Variants in ZMYND8 observed in about 807,000 individuals in gnomAD.
The protein encoded by ZMYND8 is zinc finger MYND-type containing 8.
Under a neutral mutation model 140.8 loss-of-function variants are expected in ZMYND8, and 37 were observed. The observed-to-expected ratio is 0.26, with a 90% CI of 0.20 to 0.35. The LOEUF (loss-of-function observed/expected upper bound fraction) is 0.35, where lower values mean the gene tolerates loss of function less well. Ranked by LOEUF, ZMYND8 falls within the 10% of genes least tolerant of loss-of-function variation. ZMYND8 has a pLI of 1.00. For synonymous variants in ZMYND8, 592 were observed against 597.1 expected, an observed-to-expected ratio of 0.99 and a Z score of 0.12; for missense variants, 1,068 against 1,570.0, an observed-to-expected ratio of 0.68 and a Z score of 5.40.
At chr20:47,287,864 A>ACACG (rs2077024203) in intron 7 of ZMYND8, among the ~76,000 whole-genome samples, 1 of 152,138 alleles carries the variant, frequency 6.6e-6, no homozygotes, top group African/African-American at 2.4e-5. Context: ...ACACACGCAC[A>ACACG]CACATACACA....
At chr20:47,222,036 T>A (rs926266362) in intron 19 of ZMYND8, among the ~76,000 whole-genome samples, 2 of 152,232 alleles carry the variant, frequency 1.3e-5, no homozygotes. Context: ...AGTATATTCC[T>A]GGAACAAATA....
intron 2 of ZMYND8, among the ~76,000 whole-genome samples, chr20:47,336,327 T>C (rs1029094572): frequency 3.3e-5 from 5 of 152,212 alleles, no homozygotes; most frequent in African/African-American, 7.2e-5. Context: ...CTGTTCAAGA[T>C]TTTAATATCC....
At chr20:47,251,031 GAAGGAAAAAAAA>G (rs2074127692) in intron 12 of ZMYND8, among the ~76,000 whole-genome samples, 2 of 136,504 alleles carry the variant, frequency 1.5e-5, no homozygotes, top group African/African-American at 6.2e-5. Context: ...TTTTTTTTTT[GAAGGAAAAAAAA>G]GGAGGGAAGA....
At chr20:47,316,857 T>C (rs1041303944) in intron 2 of ZMYND8, among the ~76,000 whole-genome samples, 16 of 151,450 alleles carry the variant, frequency 1.1e-4, no homozygotes, top group African/African-American at 3.6e-4. Context: ...TTCTAGGCAA[T>C]GTTCAAAATG....
chr20:47,344,954 A>C (rs796170290), intron 2 of ZMYND8, among the ~76,000 whole-genome samples: 17 of 152,132 alleles, frequency 1.1e-4, no homozygotes, highest in African/African-American at 4.1e-4. Flanking sequence ...CCCTACAAAA[A>C]AAAAATTTTT....
intron 2 of ZMYND8, among the ~76,000 whole-genome samples, chr20:47,313,388 C>G (rs1465952854): frequency 1.3e-5 from 2 of 151,832 alleles, no homozygotes; most frequent in African/African-American, 4.8e-5. Context: ...TTTGGGAGGC[C>G]AAGGCGGGCG....
At chr20:47,256,615 A>G (rs186663992) in intron 12 of ZMYND8, among the ~76,000 whole-genome samples, 1 of 152,268 alleles carries the variant, frequency 6.6e-6, no homozygotes, top group African/African-American at 2.4e-5. Flanking sequence ...GCAAGACTCC[A>G]TCTCAAAAAA....
Position 47,276,520 on chromosome 20 carries a change from G to A in ZMYND8, c.1274C>T (p.Ala425Val). The A allele has an allele frequency of 6.2e-7, 1 of 1,614,098 alleles. No homozygotes were observed. The highest frequency in any genetic ancestry group is 8.5e-7 in the Non-Finnish European group (1 of 1,180,032). The change falls in exon 11 of 23, where the codon GCA (alanine) becomes GTA (valine). Residue 425 changes from alanine to valine, a missense_variant. By Grantham distance (64) the Ala-to-Val change is moderately conservative. Transcript: ENST00000471951. ...CTTGCTCATCAGGATCTTGGGGGAT[G>A]CCGTCATGTCAAAGTTGAGCTTGAC... ...EKVKLNFDMT[A>V]SPKILMSKPV...
At chr20:47,248,330 A>T (rs1319740194) in intron 13 of ZMYND8, among the ~76,000 whole-genome samples, 2 of 152,238 alleles carry the variant, frequency 1.3e-5, no homozygotes, top group African/African-American at 4.8e-5. Context: ...ACCCAAGAGG[A>T]TTATTTAAAT....
chr20:47,242,247 G>A (rs1030982968), intron 14 of ZMYND8, among the ~76,000 whole-genome samples: 88 of 152,218 alleles, frequency 5.8e-4, no homozygotes, highest in African/African-American at 2.1e-3. Flanking sequence ...TGACTATCCC[G>A]ACTTCAGAGG....
At chr20:47,235,453 C>G (rs2147137848) in intron 16 of ZMYND8, among the ~76,000 whole-genome samples, 1 of 152,202 alleles carries the variant, frequency 6.6e-6, no homozygotes, top group East Asian at 1.9e-4. Context: ...ACCTGTAATC[C>G]CAGCACTTTG....
chr20:47,328,930 G>A (rs2080699600), intron 2 of ZMYND8, among the ~76,000 whole-genome samples: 3 of 152,240 alleles, frequency 2.0e-5, no homozygotes, highest in Admixed American at 2.0e-4. Context: ...TTGAAGGCTG[G>A]AGGGAGGACC....
chr20:47,356,305 A>G, intron 1 of ZMYND8: 1 of 1,300,740 alleles, frequency 7.7e-7, no homozygotes, highest in South Asian at 1.4e-5. Context: ...AGAGAGAGAG[A>G]GAGGGGAAGA....
chr20:47,294,589 A>G, intron 5 of ZMYND8, 77 bp downstream of exon 5: 1 of 1,399,632 alleles, frequency 7.1e-7, no homozygotes, highest in Non-Finnish European at 1.0e-6. Flanking sequence ...GGTACCTAAA[A>G]AGCTAAGCTA....
chr20:47,227,292 G>A lies in ZMYND8; in HGVS notation c.2938-11C>T. On this transcript the variant is annotated splice_polypyrimidine_tract_variant and intron_variant, in intron 17 of 22. Coordinates refer to ENST00000471951, the MANE Select transcript of ZMYND8 (RefSeq NM_001281775.3). Reference sequence around the variant, plus strand: ...CCTCAGCCTGCGAATCTGGAAGAGGGAGAGTGAGCGTCTTCAAAAGCTGTC... The same window carrying A: ...CCTCAGCCTGCGAATCTGGAAGAGGAAGAGTGAGCGTCTTCAAAAGCTGTC... 1.2e-6 allele frequency: 2 copies of A among 1,613,994 alleles called. No homozygotes were observed. Among genetic ancestry groups the A allele is most frequent in the Non-Finnish European group, 1.7e-6 (2 of 1,179,894 alleles).
chr20:47,254,793 C>T (rs73304012), intron 12 of ZMYND8, among the ~76,000 whole-genome samples: 2 of 152,074 alleles, frequency 1.3e-5, no homozygotes, highest in East Asian at 1.9e-4. Flanking sequence ...GCCTCTACCC[C>T]CTAGATGCTA....
rs866126061 is a variant in ZMYND8 at position 47,255,435 on chromosome 20, G to C, written c.1622-5996C>G. On this transcript the variant is annotated intron_variant, in intron 12 of 22. Transcript: ENST00000471951. ...TAAAAAAAGAGAGACAGGGCCGGGCGTGGTAGCTCACACCTGTAATCCCAC... is the reference window on the plus strand; with the variant it reads ...TAAAAAAAGAGAGACAGGGCCGGGCCTGGTAGCTCACACCTGTAATCCCAC... Among the ~76,000 whole-genome samples the C allele has an allele frequency of 2.0e-5, 3 of 151,376 alleles. No individual in the cohort carries two copies. The East Asian group carries it at 5.9e-4, about 30-fold the overall frequency.
Position 47,346,582 on chromosome 20 carries a change from C to T in ZMYND8, c.85+1274G>A, listed in dbSNP as rs2082350665. On this transcript the variant is annotated intron_variant, in intron 2 of 22. Coordinates refer to ENST00000471951, the MANE Select transcript of ZMYND8 (RefSeq NM_001281775.3). Reference sequence around the variant, plus strand: ...CCAGGTCCCAGCCTTGACTACTGGACCCTCAACTTTGCCCCAAAATGACAT... The same window carrying T: ...CCAGGTCCCAGCCTTGACTACTGGATCCTCAACTTTGCCCCAAAATGACAT... Among the ~76,000 whole-genome samples, 3 of 152,104 alleles carry T rather than the reference C, an allele frequency of 2.0e-5. No individual in the cohort carries two copies. The South Asian group carries it at 6.2e-4, about 31-fold the overall frequency.
At chr20:47,233,823 T>C (rs2038865698) in intron 16 of ZMYND8, among the ~76,000 whole-genome samples, 1 of 152,342 alleles carries the variant, frequency 6.6e-6, no homozygotes, top group Middle Eastern at 3.4e-3. Flanking sequence ...TAGGACAGCA[T>C]CTAGCCTAGA....
Sources: gnomAD v4.1 joint callset for allele counts (sites outside exome capture counted in the v4.1 genomes callset) on GRCh38, gnomAD v4.1.1 for gene constraint, MANE v1.5 for transcripts, NCBI Gene and HGNC (gene_info 2026-07-23, HGNC 2026-07-21) for gene names.